The following RORA variants were observed in gnomAD, a reference collection of about 807,000 sequenced individuals.
RORA encodes nuclear receptor ROR-alpha.
In RORA, 7 loss-of-function variants were observed where a neutral mutation model predicts 69.5. That is an observed-to-expected ratio of 0.10 (90% CI 0.06 to 0.19). RORA has a LOEUF of 0.19. Among genes scored for constraint, RORA ranks in the 10% least tolerant of loss-of-function variants. The pLI, the probability that RORA is intolerant of heterozygous loss-of-function variation, is 1.00. For synonymous variants in RORA, 261 were observed against 240.8 expected (o/e 1.08, Z -0.78); for missense variants, 457 against 663.0 (o/e 0.69, Z 3.41).
At chr15:60,794,513 G>A (rs546095059) in intron 1 of RORA, among the ~76,000 whole-genome samples, 2 of 152,216 alleles carry the variant, frequency 1.3e-5, no homozygotes, top group African/African-American at 4.8e-5. Context: ...AAAGTCCTAG[G>A]GAAAAATACT....
At chr15:60,967,704 GA>G (rs1882544442) in intron 1 of RORA, among the ~76,000 whole-genome samples, 1 of 152,192 alleles carries the variant, frequency 6.6e-6, no homozygotes, top group African/African-American at 2.4e-5. Flanking sequence ...TTTCCTGAAT[GA>G]GATGACTTCT....
At chr15:61,035,157 AT>A (rs1396763860) in intron 1 of RORA, among the ~76,000 whole-genome samples, 2 of 152,024 alleles carry the variant, frequency 1.3e-5, no homozygotes, top group South Asian at 2.1e-4. Context: ...TTAACAACTC[AT>A]TTTTTTCCCC....
chr15:61,132,598 A>T (rs1161026498), intron 1 of RORA, among the ~76,000 whole-genome samples: 3 of 152,248 alleles, frequency 2.0e-5, no homozygotes, highest in Non-Finnish European at 4.4e-5. Flanking sequence ...CAGTTGTAAA[A>T]AAATGAAGTG....
intron 1 of RORA, among the ~76,000 whole-genome samples, chr15:60,902,594 G>C (rs1282038989): frequency 7.2e-5 from 11 of 152,224 alleles, no homozygotes; most frequent in Non-Finnish European, 1.5e-5. Flanking sequence ...TGTCTACATA[G>C]CTGAAAGATG....
intron 1 of RORA, among the ~76,000 whole-genome samples, chr15:61,098,285 C>T (rs1291310618): frequency 6.7e-6 from 1 of 149,034 alleles, no homozygotes; most frequent in Middle Eastern, 3.2e-3. Flanking sequence ...CCCTCCTTCC[C>T]TGCCTCCCTC....
At chr15:60,983,629 C>T (rs888302865) in intron 1 of RORA, among the ~76,000 whole-genome samples, 1 of 152,200 alleles carries the variant, frequency 6.6e-6, no homozygotes, top group African/African-American at 2.4e-5. Context: ...CCCAGACACT[C>T]CTTTCTATTG....
At chr15:61,111,370 T>A (rs758846056) in intron 1 of RORA, among the ~76,000 whole-genome samples, 1 of 152,240 alleles carries the variant, frequency 6.6e-6, no homozygotes, top group Non-Finnish European at 1.5e-5. Flanking sequence ...ATTACCACTG[T>A]ATTCCCCAAG....
At chr15:60,729,118 C>T (rs1278404305) in intron 1 of RORA, among the ~76,000 whole-genome samples, 2 of 152,120 alleles carry the variant, frequency 1.3e-5, no homozygotes, top group South Asian at 2.1e-4. Context: ...TTTACCTCCC[C>T]GTTTTTGGTG....
chr15:61,006,492 C>A (rs758200426), intron 1 of RORA, among the ~76,000 whole-genome samples: 10 of 152,142 alleles, frequency 6.6e-5, no homozygotes, highest in Non-Finnish European at 1.0e-4. Context: ...CAGGAACAGC[C>A]ACTGGGAAAA....
At chr15:61,184,490 T>G (rs1596055333) in intron 1 of RORA, among the ~76,000 whole-genome samples, 1 of 152,324 alleles carries the variant, frequency 6.6e-6, no homozygotes, top group African/African-American at 2.4e-5. Context: ...CTGTGGTACC[T>G]ATGTACCTGG....
At chr15:60,778,608 C>T (rs1281387866) in intron 1 of RORA, among the ~76,000 whole-genome samples, 4 of 152,076 alleles carry the variant, frequency 2.6e-5, no homozygotes, top group Non-Finnish European at 4.4e-5. Context: ...TTGGCTTTCT[C>T]GGGGCCTTGA....
chr15:60,872,828 C>T (rs1170013394), intron 1 of RORA, among the ~76,000 whole-genome samples: 2 of 152,126 alleles, frequency 1.3e-5, no homozygotes, highest in African/African-American at 2.4e-5. Flanking sequence ...CTGCCCTCTC[C>T]TCCTTACCTC....
intron 2 of RORA, among the ~76,000 whole-genome samples, chr15:60,670,201 C>CTTTTTTTTTTTTTTTTTTTTTTTTTTT (rs60799050): frequency 7.9e-6 from 1 of 126,108 alleles, no homozygotes. Flanking sequence ...TATCCTACCT[C>CTTTTTTTTTTTTTTTTTTTTTTTTTTT]TTTTTTTTTT....
At chr15:60,813,218 A>G (rs369155708) in intron 1 of RORA, among the ~76,000 whole-genome samples, 1 of 152,106 alleles carries the variant, frequency 6.6e-6, no homozygotes, top group African/African-American at 2.4e-5. Context: ...GAATGAGGGG[A>G]CTGGGAAATA....
At chr15:60,508,754 A>G in intron 5 of RORA, among the ~76,000 whole-genome samples, 1 of 152,210 alleles carries the variant, frequency 6.6e-6, no homozygotes, top group African/African-American at 2.4e-5. Context: ...ACCACAACCC[A>G]TATAAGCGGA....
chr15:61,196,489 A>T (rs2140921346), intron 1 of RORA, among the ~76,000 whole-genome samples: 1 of 152,358 alleles, frequency 6.6e-6, no homozygotes, highest in Middle Eastern at 3.4e-3. Flanking sequence ...CTCAGAAGGA[A>T]ACTGAGGAGA....
intron 4 of RORA, among the ~76,000 whole-genome samples, chr15:60,513,902 A>G (rs562119990): frequency 6.4e-4 from 97 of 152,344 alleles, no homozygotes; most frequent in African/African-American, 2.3e-3. Context: ...ATATTTGGAA[A>G]AATCCTTAAA....
At chr15:61,142,414 G>C (rs2079308483) in intron 1 of RORA, among the ~76,000 whole-genome samples, 1 of 152,174 alleles carries the variant, frequency 6.6e-6, no homozygotes, top group African/African-American at 2.4e-5. Flanking sequence ...ATTTAGGGAA[G>C]CACTGACAAA....
chr15:61,096,634 G>A (rs1183412196), intron 1 of RORA, among the ~76,000 whole-genome samples: 1 of 152,136 alleles, frequency 6.6e-6, no homozygotes, highest in Non-Finnish European at 1.5e-5. Context: ...CCAGGGATGA[G>A]ACAAGAGCTG....
Sources: allele counts gnomAD v4.1 joint callset (sites outside exome capture counted in the v4.1 genomes callset), GRCh38; gene constraint gnomAD v4.1.1; transcripts MANE v1.5; gene names NCBI Gene and HGNC (gene_info 2026-07-23, HGNC 2026-07-21).